Variants in CCNL2 observed in about 807,000 individuals in gnomAD.
CCNL2 encodes cyclin L2.
Under a neutral mutation model 59.1 loss-of-function variants are expected in CCNL2, and 28 were observed. The observed-to-expected ratio is 0.47, with a 90% CI of 0.35 to 0.65. The LOEUF is 0.65. Among genes scored for constraint, CCNL2 ranks in the 30% least tolerant of loss-of-function variants. The pLI is 0.00. For missense variants in CCNL2, 714 were observed against 717.4 expected, an observed-to-expected ratio of 1.00 and a Z score of 0.05; for synonymous variants, 342 against 288.6, an observed-to-expected ratio of 1.19 and a Z score of -1.88.
chr1:1,388,577 C>G (rs1644588655), intron 8 of CCNL2: 3 of 435,652 alleles, frequency 6.9e-6, no homozygotes, highest in African/African-American at 2.1e-5. Context: ...CTCTCTCTCT[C>G]TCTCTCTATA....
chr1:1,391,907 G>A (rs1315921239), intron 5 of CCNL2: 2 of 234,786 alleles, frequency 8.5e-6, no homozygotes, highest in African/African-American at 4.7e-5. Context: ...CCCAATAACG[G>A]GGAGCCTTGG....
At chr1:1,393,190 C>A in intron 5 of CCNL2, 1 of 593,474 alleles carries the variant, frequency 1.7e-6, no homozygotes, top group Non-Finnish European at 3.0e-6. Flanking sequence ...TCCAGGCTTG[C>A]AGGGAGGGGA....
In CCNL2 at chr1:1,387,941, C is replaced by G. The variant is rs768869908; in HGVS notation, c.1118+13G>C. 4.3e-6 allele frequency: 7 copies of G among 1,613,154 alleles called. No individual in the cohort carries two copies. The East Asian group carries it at 1.6e-4, about 36-fold the overall frequency. ...CAACCCTGACAGCCACCTGGGCAGCCCTGGGGTCCTACCCGTTCACGGGGC... is the reference window on the plus strand; with the variant it reads ...CAACCCTGACAGCCACCTGGGCAGCGCTGGGGTCCTACCCGTTCACGGGGC... On this transcript the variant is annotated intron_variant, in intron 9 of 10. Coordinates refer to ENST00000400809, the MANE Select transcript of CCNL2 (RefSeq NM_030937.6).
intron 3 of CCNL2, among the ~76,000 whole-genome samples, chr1:1,396,746 ATTTT>A (rs1032549725): frequency 4.3e-5 from 6 of 139,636 alleles, no homozygotes; most frequent in African/African-American, 1.3e-4. Context: ...CACCCGGCTA[ATTTT>A]TTTTTTATTT....
Position 1,386,360 on chromosome 1 carries a change from T to C in CCNL2, c.*871A>G, listed in dbSNP as rs1221764105. The C allele has an allele frequency of 6.6e-6, 1 of 152,222 alleles. No homozygotes were observed. The highest frequency in any genetic ancestry group is 1.5e-5 in the Non-Finnish European group (1 of 68,052). The allele number at this position is 152,222 out of a possible 1,614,324, so 9.4% of individuals were successfully genotyped here. On this transcript the variant is annotated 3_prime_UTR_variant, in exon 11 of 11. Coordinates refer to ENST00000400809, the MANE Select transcript of CCNL2 (RefSeq NM_030937.6). The stretch of plus-strand genomic sequence containing the variant: ...TCGGCAGAAGGGCAGGCACACAGGA[T>C]TGGATGCAAAATCCAAAACTTCAGT...
At chr1:1,394,235 T>C (rs1644896503) in intron 4 of CCNL2, among the ~76,000 whole-genome samples, 1 of 151,656 alleles carries the variant, frequency 6.6e-6, no homozygotes, top group Non-Finnish European at 1.5e-5. Context: ...AAAAAGGAGA[T>C]GGAACCAAAG....
chr1:1,393,895 G>A (rs1452703346), intron 4 of CCNL2, among the ~76,000 whole-genome samples: 1 of 152,232 alleles, frequency 6.6e-6, no homozygotes. Context: ...GGGAGGCTGA[G>A]GCGGGCAGAT....
chr1:1,394,159 G>A (rs1644891140), intron 4 of CCNL2, among the ~76,000 whole-genome samples: 2 of 151,812 alleles, frequency 1.3e-5, no homozygotes, highest in African/African-American at 4.8e-5. Context: ...ATCTGTGGTG[G>A]GCAATTTGTG....
chr1:1,388,383 T>G, intron 8 of CCNL2: 1 of 393,864 alleles, frequency 2.5e-6, no homozygotes, highest in South Asian at 2.0e-5. Flanking sequence ...TAGCTGGGCT[T>G]GGTGGCACGC....
chr1:1,393,504 G>A (rs1285037667), intron 4 of CCNL2, 44 bp from the exon 5 acceptor site: 3 of 1,551,956 alleles, frequency 1.9e-6, no homozygotes, highest in South Asian at 1.1e-5. Flanking sequence ...AACCTTAAGA[G>A]CCCAGAATTC....
rs147048179 is a variant in CCNL2 at position 1,387,853 on chromosome 1, C to G, written c.1135G>C (p.Glu379Gln). The G allele has an allele frequency of 1.2e-5, 19 of 1,613,684 alleles. No homozygotes were observed. In the African/African-American group the frequency reaches 2.4e-4, roughly 20 times the overall value. Reference protein sequence around the residue: ...SPVNGLPKGRESRSRSRSREQ... With the variant: ...SPVNGLPKGRQSRSRSRSREQ... ...CGGCTCCGGCTCCGACTCCGACTCTCTCGCCCCTTTGGCAAGCTGTGAACA... is the reference window on the plus strand; with the variant it reads ...CGGCTCCGGCTCCGACTCCGACTCTGTCGCCCCTTTGGCAAGCTGTGAACA... Residue 379 changes from glutamate (E) to glutamine (Q), a missense_variant, in exon 10 of 11, where the codon GAG becomes CAG. Physicochemically the swap from Glu to Gln is conservative, Grantham distance 29 (BLOSUM62 2). This residue lies in a region of CCNL2 where 403 missense variants were observed against 377.7 expected (regional missense o/e 1.07). Transcript: ENST00000400809.
chr1:1,397,190 A>C lies in CCNL2; in HGVS notation c.473+1043T>G, dbSNP rs577782481. Among the ~76,000 whole-genome samples, 4 of 152,346 alleles carry C rather than the reference A, an allele frequency of 2.6e-5. No homozygotes were observed. In the East Asian group the frequency reaches 7.7e-4, roughly 29 times the overall value. On this transcript the variant is annotated intron_variant, in intron 3 of 10. Coordinates refer to ENST00000400809, the MANE Select transcript of CCNL2 (RefSeq NM_030937.6). Reference sequence around the variant, plus strand: ...CCCGGCCAGAGGCTGTGTTTTCTAAAGGACTTCAATTAACTTCAGGTGCAT... The same window carrying C: ...CCCGGCCAGAGGCTGTGTTTTCTAACGGACTTCAATTAACTTCAGGTGCAT...
chr1:1,398,387 C>G, intron 2 of CCNL2, 45 bp from the exon 3 acceptor site: 1 of 1,612,524 alleles, frequency 6.2e-7, no homozygotes, highest in Non-Finnish European at 8.5e-7. Context: ...TCCCCAGCCA[C>G]GGCGTCCTGA....
intron 8 of CCNL2, chr1:1,388,557 G>A (rs1332940238): frequency 2.6e-6 from 1 of 385,332 alleles, no homozygotes; most frequent in East Asian, 8.4e-5. Context: ...CAAAACATGT[G>A]AGTGTGTGTC....
Position 1,398,629 on chromosome 1 carries a change from AAAAG to A in CCNL2, c.327_330del (p.Phe110IlefsTer6). ...GAGTGCTTCACGAAGGACTTGGTAT[AAAAG>A]AACCGCTGGAACAACACCTGCCCGG... On this transcript the variant is annotated frameshift_variant, in exon 2 of 11. Coordinates refer to ENST00000400809, the MANE Select transcript of CCNL2 (RefSeq NM_030937.6). LOFTEE classifies it high-confidence loss of function. The A allele has an allele frequency of 3.7e-6, 6 of 1,614,024 alleles. No homozygotes were observed. Among genetic ancestry groups the A allele is most frequent in the Non-Finnish European group, 4.2e-6 (5 of 1,179,978 alleles).
At chr1:1,393,050 T>G in intron 5 of CCNL2, 1 of 601,198 alleles carries the variant, frequency 1.7e-6, no homozygotes, top group Non-Finnish European at 2.9e-6. Flanking sequence ...GCAATGTCAG[T>G]GGAGAAACAG....
chr1:1,399,278 G>A lies in CCNL2; in HGVS notation c.29C>T (p.Ala10Val), dbSNP rs1171798752. Reference protein sequence around the residue: MAAAAAAAGAAGSAAPAAAA... With the variant: MAAAAAAAGVAGSAAPAAAA... ...TGCCGCGGGAGCTGCCGACCCTGCA[G>A]CACCAGCCGCCGCCGCCGCCGCCGC... The change falls in exon 1 of 11, where the codon GCT becomes GTT. Residue 10 changes from alanine (A) to valine (V), a missense_variant. By Grantham distance (64) the Ala-to-Val change is moderately conservative. This residue lies in a region of CCNL2 where 270 missense variants were observed against 254.9 expected (regional missense o/e 1.06). Transcript: ENST00000400809. 8 of 1,489,400 alleles carry A rather than the reference G, an allele frequency of 5.4e-6. No homozygotes were observed. Among genetic ancestry groups the A allele is most frequent in the Non-Finnish European group, 7.1e-6 (8 of 1,128,024 alleles). 92.3% of individuals were successfully genotyped at this position (1,489,400 alleles called of 1,614,324 possible). A position where few individuals can be genotyped will look rare whatever the true frequency, so the allele number is the denominator to read the frequency against.
At chr1:1,398,102 A>G (rs1233806892) in intron 3 of CCNL2, 131 bp downstream of exon 3, 1 of 823,450 alleles carries the variant, frequency 1.2e-6, no homozygotes, top group African/African-American at 1.7e-5. Context: ...GGAGCTTGAG[A>G]CTGCGCTCAT....
chr1:1,390,195 G>A, intron 8 of CCNL2, 35 bp downstream of exon 8: 1 of 1,572,306 alleles, frequency 6.4e-7, no homozygotes, highest in Non-Finnish European at 8.7e-7. Context: ...CTTTGCCTTT[G>A]TGGGGAGTGG....
Sources: gnomAD v4.1 joint callset for allele counts (sites outside exome capture counted in the v4.1 genomes callset) on GRCh38, gnomAD v4.1.1 for gene constraint, gnomAD v4.1.1 regional missense constraint, MANE v1.5 for transcripts, NCBI Gene and HGNC (gene_info 2026-07-23, HGNC 2026-07-21) for gene names.